AUTS2: variants seen among roughly 807,000 people sequenced by gnomAD.
AUTS2 encodes the protein activator of transcription and developmental regulator AUTS2.
AUTS2 carries 17 observed loss-of-function variants against 112.4 expected under a neutral mutation model. That is an observed-to-expected ratio of 0.15 (90% confidence interval 0.10 to 0.23). The LOEUF is 0.23. Among genes scored for constraint, AUTS2 ranks in the 10% least tolerant of loss-of-function variants. The pLI is 1.00. For synonymous variants in AUTS2, 751 were observed against 702.7 expected, an observed-to-expected ratio of 1.07 and a Z score of -1.09; for missense variants, 1,510 against 1,701.6, an observed-to-expected ratio of 0.89 and a Z score of 1.98.
At chr7:69,978,859 A>AACACACACACACACAC (rs71068004) in intron 2 of AUTS2, among the ~76,000 whole-genome samples, 373 of 129,692 alleles carry the variant, frequency 2.9e-3, no homozygotes, top group Non-Finnish European at 4.3e-3. Context: ...TCAAAGAAAC[A>AACACACACACACACAC]ACACACACAC....
At chr7:70,701,319 G>T (rs932987765) in intron 6 of AUTS2, among the ~76,000 whole-genome samples, 1 of 152,220 alleles carries the variant, frequency 6.6e-6, no homozygotes, top group African/African-American at 2.4e-5. Flanking sequence ...GGCAGCAGGG[G>T]CCGTGGCTCG....
chr7:70,688,741 G>A (rs951282931), intron 5 of AUTS2, among the ~76,000 whole-genome samples: 3 of 152,148 alleles, frequency 2.0e-5, no homozygotes, highest in Admixed American at 6.5e-5. Flanking sequence ...AGATGACCCC[G>A]TGAGCCTAGT....
intron 16 of AUTS2, 40 bp from the exon 17 acceptor site, chr7:70,785,915 G>T (rs945984745): frequency 6.2e-7 from 1 of 1,600,226 alleles, no homozygotes; most frequent in Non-Finnish European, 8.6e-7. Context: ...TCTCCCAGCA[G>T]AGCCCCTGAC....
At chr7:70,661,901 A>G (rs1343971830) in intron 5 of AUTS2, among the ~76,000 whole-genome samples, 1 of 152,082 alleles carries the variant, frequency 6.6e-6, no homozygotes, top group Admixed American at 6.5e-5. Flanking sequence ...TCATGAATAA[A>G]ACTTAGAATA....
intron 4 of AUTS2, among the ~76,000 whole-genome samples, chr7:70,209,832 CA>C (rs1189104965): frequency 7.2e-5 from 11 of 152,056 alleles, no homozygotes; most frequent in Non-Finnish European, 1.3e-4. Context: ...TTGGTCTCTC[CA>C]GTCTGTTTTA....
intron 2 of AUTS2, among the ~76,000 whole-genome samples, chr7:69,929,876 T>C (rs1350958668): frequency 6.6e-6 from 1 of 152,224 alleles, no homozygotes; most frequent in Non-Finnish European, 1.5e-5. Context: ...ATTGTGTAAC[T>C]GGTGATCTTT....
rs116866815 is a variant in AUTS2 at position 69,729,111 on chromosome 7, T to G, written c.309+129149T>G. ...TGTCCAATTCCAAACCTTATTTTTT[T>G]TGTGTGTGAAGGGTTGAAGCATTTT... On this transcript the variant is annotated intron_variant, in intron 1 of 18. Transcript: ENST00000342771. Among the ~76,000 whole-genome samples the G allele has an allele frequency of 8.1e-3, 1,231 of 152,232 alleles. 14 individuals are homozygous for G. Among genetic ancestry groups the G allele is most frequent in the African/African-American group, 0.021 (852 of 41,536 alleles).
chr7:70,593,026 T>C (rs1228313115), intron 5 of AUTS2, among the ~76,000 whole-genome samples: 1 of 151,918 alleles, frequency 6.6e-6, no homozygotes, highest in East Asian at 1.9e-4. Flanking sequence ...TTTTTTTTTT[T>C]TTCTTGTAGA....
intron 2 of AUTS2, among the ~76,000 whole-genome samples, chr7:70,113,855 A>G (rs545201589): frequency 6.6e-6 from 1 of 152,318 alleles, no homozygotes; most frequent in Middle Eastern, 3.4e-3. Flanking sequence ...ATGTGCACAG[A>G]ATTGCTATAC....
intron 2 of AUTS2, among the ~76,000 whole-genome samples, chr7:69,931,878 C>A (rs1405295388): frequency 6.6e-6 from 1 of 152,212 alleles, no homozygotes; most frequent in Non-Finnish European, 1.5e-5. Flanking sequence ...TGACGACTTA[C>A]CTTGATGAGG....
At chr7:70,179,767 C>A (rs1411918179) in intron 4 of AUTS2, among the ~76,000 whole-genome samples, 2 of 152,118 alleles carry the variant, frequency 1.3e-5, no homozygotes, top group South Asian at 4.1e-4. Flanking sequence ...AGCTTGCCAC[C>A]AGGCTTGGTA....
At chr7:69,969,870 A>G (rs1041245910) in intron 2 of AUTS2, among the ~76,000 whole-genome samples, 11 of 152,202 alleles carry the variant, frequency 7.2e-5, no homozygotes, top group Non-Finnish European at 1.6e-4. Context: ...AAGAAAATAC[A>G]TCACACAATC....
chr7:70,050,766 G>A (rs1008222001), intron 2 of AUTS2, among the ~76,000 whole-genome samples: 4 of 152,154 alleles, frequency 2.6e-5, no homozygotes, highest in Non-Finnish European at 4.4e-5. Context: ...AGGCCAAGAC[G>A]AATGGATCAC....
At chr7:70,512,938 G>A (rs1182050806) in intron 5 of AUTS2, among the ~76,000 whole-genome samples, 1 of 152,068 alleles carries the variant, frequency 6.6e-6, no homozygotes, top group African/African-American at 2.4e-5. Context: ...GGATCTGTCA[G>A]GCAGATCCAG....
At chr7:69,879,719 A>G (rs1209687340) in intron 1 of AUTS2, among the ~76,000 whole-genome samples, 1 of 152,220 alleles carries the variant, frequency 6.6e-6, no homozygotes, top group African/African-American at 2.4e-5. Context: ...TGAGTGTAGC[A>G]TAGGCTCTGG....
intron 4 of AUTS2, among the ~76,000 whole-genome samples, chr7:70,168,913 T>A (rs1159607912): frequency 6.6e-6 from 1 of 152,158 alleles, no homozygotes; most frequent in African/African-American, 2.4e-5. Flanking sequence ...ATTTCCTCTT[T>A]ATTGTTAGGT....
At chr7:69,940,709 C>G (rs982540324) in intron 2 of AUTS2, among the ~76,000 whole-genome samples, 2 of 152,126 alleles carry the variant, frequency 1.3e-5, no homozygotes, top group Non-Finnish European at 2.9e-5. Flanking sequence ...TAGAGGGAGA[C>G]AGTAGAGGAC....
At chr7:70,705,102 C>T (rs999429729) in intron 6 of AUTS2, among the ~76,000 whole-genome samples, 3 of 152,218 alleles carry the variant, frequency 2.0e-5, no homozygotes, top group Non-Finnish European at 4.4e-5. Flanking sequence ...AAAATACACA[C>T]AGGCAAGCAG....
In AUTS2 at chr7:70,528,292, T is replaced by TA. The variant is rs554087848; in HGVS notation, c.690+92521dup. 5.4e-3 allele frequency among the ~76,000 whole-genome samples: 775 copies of TA among 144,434 alleles called. 3 individuals carry two copies. The highest frequency in any genetic ancestry group is 6.4e-3 in the African/African-American group (254 of 39,430). 94.8% of individuals were successfully genotyped at this position (144,434 alleles called of 152,430 possible). On this transcript the variant is annotated intron_variant, in intron 5 of 18. Transcript: ENST00000342771. Reference sequence around the variant, plus strand: ...GAGAGAGAGAAATAAAAAAAAATAATAAAAAAAAAACCCAGGTAATGGAAA... The same window carrying TA: ...GAGAGAGAGAAATAAAAAAAAATAATAAAAAAAAAAACCCAGGTAATGGAAA...
Sources: gnomAD v4.1 joint callset for allele counts (sites outside exome capture counted in the v4.1 genomes callset) on GRCh38, gnomAD v4.1.1 for gene constraint, MANE v1.5 for transcripts, NCBI Gene and HGNC (gene_info 2026-07-23, HGNC 2026-07-21) for gene names.